DCDC1: variants seen among roughly 807,000 people sequenced by gnomAD.
DCDC1 encodes the protein doublecortin domain containing 1.
DCDC1 carries 200 observed loss-of-function variants against 178.3 expected under a neutral mutation model. That is an observed-to-expected ratio of 1.12 (90% CI 1.00 to 1.26). DCDC1 has a LOEUF of 1.26. DCDC1 is among the 50% of genes most tolerant of loss of function. DCDC1 has a pLI of 0.00. For missense variants in DCDC1, 1,983 were observed against 1,749.2 expected (o/e 1.13, Z -2.38); for synonymous variants, 690 against 604.8 (o/e 1.14, Z -2.07).
intron 3 of DCDC1, among the ~76,000 whole-genome samples, chr11:31,324,050 G>A (rs1045213944): frequency 2.0e-5 from 3 of 151,996 alleles, no homozygotes; most frequent in African/African-American, 7.2e-5. Context: ...ATGTGTATAA[G>A]GGTTTTTCCA....
chr11:31,216,520 C>T (rs1056329465), intron 9 of DCDC1, among the ~76,000 whole-genome samples: 7 of 152,242 alleles, frequency 4.6e-5, no homozygotes, highest in Admixed American at 1.3e-4. Context: ...AAACCTTACC[C>T]GGCCATTTAG....
At chr11:30,938,067 TC>T (rs1274357553) in intron 21 of DCDC1, among the ~76,000 whole-genome samples, 2 of 151,934 alleles carry the variant, frequency 1.3e-5, no homozygotes, top group African/African-American at 4.8e-5. Flanking sequence ...TCCAGAACCT[TC>T]CCCGAGCCCT....
chr11:31,031,432 T>A (rs557271410), intron 20 of DCDC1, among the ~76,000 whole-genome samples: 77 of 152,148 alleles, frequency 5.1e-4, no homozygotes, highest in Non-Finnish European at 8.1e-4. Flanking sequence ...TAATTTTAGA[T>A]ATTATTATAC....
intron 20 of DCDC1, among the ~76,000 whole-genome samples, chr11:31,013,573 G>A (rs1241999488): frequency 6.6e-6 from 1 of 152,036 alleles, no homozygotes. Context: ...TGATCTTTTT[G>A]CTCTTTCATA....
At chr11:31,213,798 A>G (rs1973170206) in intron 9 of DCDC1, among the ~76,000 whole-genome samples, 1 of 152,120 alleles carries the variant, frequency 6.6e-6, no homozygotes, top group South Asian at 2.1e-4. Flanking sequence ...GTAGATAATA[A>G]AACAAGAATA....
chr11:31,154,202 T>C (rs1965489945), intron 9 of DCDC1, among the ~76,000 whole-genome samples: 1 of 152,232 alleles, frequency 6.6e-6, no homozygotes, highest in Admixed American at 6.5e-5. Context: ...TCCCTGGCCA[T>C]GCTTCTTCTA....
At chr11:31,269,388 T>G (rs190323534) in intron 7 of DCDC1, among the ~76,000 whole-genome samples, 1 of 151,904 alleles carries the variant, frequency 6.6e-6, no homozygotes, top group South Asian at 2.1e-4. Flanking sequence ...TAATTCCTTT[T>G]TTTTTTCTTT....
chr11:31,158,339 G>A lies in DCDC1; in HGVS notation c.1222-20555C>T, dbSNP rs1433433779. ...TCACCATGTTAGCCAGGATGGTCTC[G>A]ATCTCCTGACCTTGTGATCTGCCCG... On this transcript the variant is annotated intron_variant, in intron 9 of 38. Coordinates refer to ENST00000684477, the MANE Select transcript of DCDC1 (RefSeq NM_001387274.1). Among the ~76,000 whole-genome samples the A allele has an allele frequency of 3.3e-5, 5 of 151,398 alleles. No individual in the cohort carries two copies. In the East Asian group the frequency reaches 9.8e-4, roughly 30 times the overall value.
chr11:31,149,097 T>C (rs1444671802), intron 9 of DCDC1, among the ~76,000 whole-genome samples: 2 of 152,240 alleles, frequency 1.3e-5, no homozygotes, highest in East Asian at 3.9e-4. Flanking sequence ...GACTGAGTAG[T>C]ATTTTATGGT....
chr11:30,916,222 G>T (rs1945826371), intron 26 of DCDC1, among the ~76,000 whole-genome samples: 1 of 152,052 alleles, frequency 6.6e-6, no homozygotes, highest in Admixed American at 6.6e-5. Flanking sequence ...TAATTTAAAT[G>T]ACTGTCTTAA....
At chr11:31,236,994 C>A (rs1390171305) in intron 9 of DCDC1, among the ~76,000 whole-genome samples, 1 of 151,882 alleles carries the variant, frequency 6.6e-6, no homozygotes, top group Non-Finnish European at 1.5e-5. Flanking sequence ...TCTGAAAAGA[C>A]AAACTTCAAG....
At chr11:31,321,826 G>T (rs990210462) in intron 3 of DCDC1, among the ~76,000 whole-genome samples, 2 of 152,122 alleles carry the variant, frequency 1.3e-5, no homozygotes, top group African/African-American at 2.4e-5. Context: ...AATATTAATT[G>T]TCAGGTGAAA....
intron 2 of DCDC1, among the ~76,000 whole-genome samples, chr11:31,334,537 G>A (rs538267521): frequency 2.0e-5 from 3 of 152,250 alleles, no homozygotes; most frequent in African/African-American, 7.2e-5. Flanking sequence ...TTTGGTCTTT[G>A]ATGTTGGTGA....
chr11:31,142,229 C>T (rs959430319), intron 9 of DCDC1, among the ~76,000 whole-genome samples: 7 of 152,072 alleles, frequency 4.6e-5, no homozygotes, highest in Admixed American at 3.3e-4. Flanking sequence ...AGTGGCCACA[C>T]AAAAAATATT....
At chr11:31,306,545 T>G (rs930386483) in intron 4 of DCDC1, among the ~76,000 whole-genome samples, 157 bp from the exon 5 acceptor site, 1 of 152,130 alleles carries the variant, frequency 6.6e-6, no homozygotes, top group African/African-American at 2.4e-5. Flanking sequence ...ATAAGATTGT[T>G]GTTACAGAGT....
chr11:31,202,695 T>A (rs1029836875), intron 9 of DCDC1, among the ~76,000 whole-genome samples: 29 of 152,102 alleles, frequency 1.9e-4, no homozygotes, highest in African/African-American at 5.6e-4. Context: ...AAAACCAAGA[T>A]AACCAACATA....
At chr11:31,299,218 A>C (rs1041180930) in intron 6 of DCDC1, among the ~76,000 whole-genome samples, 1 of 152,210 alleles carries the variant, frequency 6.6e-6, no homozygotes, top group Non-Finnish European at 1.5e-5. Flanking sequence ...TTATTGCTAT[A>C]GGCATGATGG....
intron 34 of DCDC1, among the ~76,000 whole-genome samples, chr11:30,895,851 T>C (rs905494779): frequency 3.3e-5 from 5 of 152,328 alleles, no homozygotes; most frequent in African/African-American, 9.6e-5. Context: ...GCAGATAACA[T>C]TAATTTATGG....
intron 3 of DCDC1, among the ~76,000 whole-genome samples, chr11:31,324,630 G>A (rs1282255843): frequency 6.6e-6 from 1 of 152,062 alleles, no homozygotes; most frequent in Non-Finnish European, 1.5e-5. Flanking sequence ...CACTATTGCT[G>A]TTTTCTTCTC....
Sources: gnomAD v4.1 joint callset for allele counts (sites outside exome capture counted in the v4.1 genomes callset) on GRCh38, gnomAD v4.1.1 for gene constraint, MANE v1.5 for transcripts, NCBI Gene and HGNC (gene_info 2026-07-23, HGNC 2026-07-21) for gene names.